The following PLEKHA6 variants were observed in gnomAD, a reference collection of about 807,000 sequenced individuals.
The protein encoded by PLEKHA6 is pleckstrin homology domain-containing family A member 6.
PLEKHA6 carries 60 observed loss-of-function variants against 116.7 expected under a neutral mutation model. The observed-to-expected ratio is 0.51, with a 90% CI of 0.42 to 0.64. PLEKHA6 has a LOEUF of 0.64. Ranked by LOEUF, PLEKHA6 falls within the 30% of genes least tolerant of loss-of-function variation. The pLI, the probability that PLEKHA6 is intolerant of heterozygous loss-of-function variation, is 0.00. For synonymous variants in PLEKHA6, 489 were observed against 556.1 expected (o/e 0.88, Z 1.70); for missense variants, 1,338 against 1,422.7 (o/e 0.94, Z 0.96).
chr1:204,263,847 T>C (rs548016388), intron 6 of PLEKHA6, among the ~76,000 whole-genome samples: 1 of 152,206 alleles, frequency 6.6e-6, no homozygotes, highest in South Asian at 2.1e-4. Context: ...GTCAGAGCTT[T>C]ATTAATTGTT....
At chr1:204,252,777 T>A (rs1316778627) in intron 9 of PLEKHA6, among the ~76,000 whole-genome samples, 5 of 152,190 alleles carry the variant, frequency 3.3e-5, no homozygotes, top group Non-Finnish European at 7.3e-5. Flanking sequence ...ATTTGCAGGG[T>A]CTGCAGCATT....
chr1:204,246,511 C>G (rs770543549), intron 13 of PLEKHA6, among the ~76,000 whole-genome samples: 1 of 152,118 alleles, frequency 6.6e-6, no homozygotes, highest in African/African-American at 2.4e-5. Context: ...TGGGTCTTCA[C>G]CCTACCTAAC....
chr1:204,292,282 A>G (rs2103034097), intron 1 of PLEKHA6, among the ~76,000 whole-genome samples: 2 of 152,368 alleles, frequency 1.3e-5, no homozygotes, highest in South Asian at 4.1e-4. Flanking sequence ...TGAGGTGGGC[A>G]GAAAAGTGTT....
At chr1:204,310,291 A>G (rs757383811) in intron 1 of PLEKHA6, among the ~76,000 whole-genome samples, 2 of 152,210 alleles carry the variant, frequency 1.3e-5, no homozygotes, top group Non-Finnish European at 2.9e-5. Flanking sequence ...TGAAAAAACA[A>G]AAATCAATTA....
In PLEKHA6 at chr1:204,259,245, C is replaced by A; in HGVS notation, c.1007+13G>T. On this transcript the variant is annotated intron_variant, in intron 8 of 22. Transcript: ENST00000272203. The surrounding 1 kb of genome is among the most constrained non-coding windows in gnomAD (Gnocchi z 4.6). ...ACCATATCAGCCCCACCCCAGCCGC[C>A]GGCATGCCTCACCTCCGAAGGTCTT... The A allele has an allele frequency of 6.2e-7, 1 of 1,611,036 alleles. No homozygotes were observed. The highest frequency in any genetic ancestry group is 8.5e-7 in the Non-Finnish European group (1 of 1,178,738).
chr1:204,284,557 C>G (rs1344243589), intron 1 of PLEKHA6, among the ~76,000 whole-genome samples: 2 of 151,952 alleles, frequency 1.3e-5, no homozygotes, highest in African/African-American at 4.8e-5. Context: ...CAAGGGCCAC[C>G]CAAGGAACCA....
chr1:204,293,230 G>A (rs1162809363), intron 1 of PLEKHA6, among the ~76,000 whole-genome samples: 1 of 152,140 alleles, frequency 6.6e-6, no homozygotes, highest in Non-Finnish European at 1.5e-5. Flanking sequence ...TGCCTCCCAA[G>A]TTCAAGCGAT....
At chr1:204,227,995 C>A in intron 21 of PLEKHA6, 88 bp downstream of exon 21, 1 of 1,335,042 alleles carries the variant, frequency 7.5e-7, no homozygotes, top group Non-Finnish European at 1.0e-6. Context: ...TTTGCTACTG[C>A]CCCCCTTGTA....
At chr1:204,244,306 ATTT>A (rs5780220) in intron 15 of PLEKHA6, among the ~76,000 whole-genome samples, 7 of 141,316 alleles carry the variant, frequency 5.0e-5, no homozygotes, top group East Asian at 2.0e-4. Flanking sequence ...TAATTTTTGT[ATTT>A]TTTTTTTTTT....
At chr1:204,373,424 T>G (rs1025938958) in intron 1 of PLEKHA6, among the ~76,000 whole-genome samples, 1 of 152,152 alleles carries the variant, frequency 6.6e-6, no homozygotes, top group African/African-American at 2.4e-5. Context: ...CTTACTATGT[T>G]GCCCAGGTTG....
chr1:204,342,905 G>A (rs6594005), intron 1 of PLEKHA6, among the ~76,000 whole-genome samples: 54,245 of 152,112 alleles, frequency 0.36, 11,506 homozygotes, highest in Non-Finnish European at 0.46. Context: ...TTTTAGCCCC[G>A]TGTGGGTCAA....
intron 1 of PLEKHA6, among the ~76,000 whole-genome samples, chr1:204,374,924 C>A (rs1673840246): frequency 1.3e-5 from 2 of 152,218 alleles, no homozygotes; most frequent in Admixed American, 6.5e-5. Context: ...GAGGCCTCCC[C>A]CTCTCCTAAA....
chr1:204,263,601 G>A (rs1184349247), intron 6 of PLEKHA6, among the ~76,000 whole-genome samples: 1 of 152,092 alleles, frequency 6.6e-6, no homozygotes, highest in East Asian at 1.9e-4. Context: ...GTGATATCTG[G>A]GATCTGTGGT....
chr1:204,268,286 G>A lies in PLEKHA6; in HGVS notation c.129C>T (p.Val43=), dbSNP rs141431242. The A allele has an allele frequency of 6.1e-5, 98 of 1,611,838 alleles. No individual in the cohort carries two copies. In the East Asian group the frequency reaches 1.7e-3, roughly 27 times the overall value. ...TGGAGTGTGAGCGCTTGCCAAAGGC[G>A]ACGGCTTTGCGGGCTGTGCGAGTTG... ...VRATRTARKA[V]AFGKRSHSMK... Residue 43 remains valine, a synonymous_variant, in exon 4 of 23, where the codon GTC becomes GTT. Transcript: ENST00000272203.
chr1:204,292,531 G>A (rs927401546), intron 1 of PLEKHA6, among the ~76,000 whole-genome samples: 2 of 151,400 alleles, frequency 1.3e-5, no homozygotes, highest in East Asian at 1.9e-4. Flanking sequence ...CCTGGCTGAC[G>A]CCCACCTATG....
chr1:204,236,490 T>A (rs1662068418), intron 17 of PLEKHA6, among the ~76,000 whole-genome samples: 1 of 152,180 alleles, frequency 6.6e-6, no homozygotes, highest in African/African-American at 2.4e-5. Context: ...AAGAGCCCTG[T>A]AATTGCTCTT....
At chr1:204,248,170 T>C (rs1052638309) in intron 12 of PLEKHA6, among the ~76,000 whole-genome samples, 1 of 148,106 alleles carries the variant, frequency 6.8e-6, no homozygotes, top group Admixed American at 6.7e-5. Flanking sequence ...TTTTTTTTTT[T>C]TTTTTGAGAT....
intron 1 of PLEKHA6, among the ~76,000 whole-genome samples, chr1:204,312,296 G>T (rs998583081): frequency 2.6e-5 from 4 of 152,222 alleles, no homozygotes; most frequent in Non-Finnish European, 4.4e-5. Flanking sequence ...AAGCATGGGA[G>T]AGATAAACGG....
chr1:204,220,111 C>T lies in PLEKHA6; in HGVS notation c.*2677G>A, dbSNP rs973932346. 2.0e-5 allele frequency: 3 copies of T among 152,274 alleles called. No homozygotes were observed. Among genetic ancestry groups the T allele is most frequent in the Non-Finnish European group, 2.9e-5 (2 of 68,054 alleles). The allele number at this position is 152,274 out of a possible 1,614,324, so 9.4% of individuals were successfully genotyped here. A position where few individuals can be genotyped will look rare whatever the true frequency, so the allele number is the denominator to read the frequency against. On this transcript the variant is annotated 3_prime_UTR_variant, in exon 23 of 23. Coordinates refer to ENST00000272203, the MANE Select transcript of PLEKHA6 (RefSeq NM_014935.5). ...CCCAAGCCGCCTCCTCTGGGCTTCG[C>T]ACCGTCTCGTACACTGACATCCTTA...
Sources: gnomAD v4.1 joint callset for allele counts (sites outside exome capture counted in the v4.1 genomes callset) on GRCh38, gnomAD v4.1.1 for gene constraint, Gnocchi (gnomAD v3.1) non-coding constraint, MANE v1.5 for transcripts, NCBI Gene and HGNC (gene_info 2026-07-23, HGNC 2026-07-21) for gene names.